The following GNL3L variants were observed in gnomAD, a reference collection of about 807,000 sequenced individuals.
GNL3L encodes the protein guanine nucleotide-binding protein-like 3-like protein.
GNL3L carries 4 observed loss-of-function variants against 42.9 expected under a neutral mutation model. That is an observed-to-expected ratio of 0.09 (90% CI 0.05 to 0.21). The LOEUF (loss-of-function observed/expected upper bound fraction) is 0.21, where lower values mean the gene tolerates loss of function less well. GNL3L is among the 10% of genes least tolerant of loss of function. The pLI, the probability that GNL3L is intolerant of heterozygous loss-of-function variation, is 1.00. For synonymous variants in GNL3L, 159 were observed against 176.3 expected, an observed-to-expected ratio of 0.90 and a Z score of 0.78; for missense variants, 412 against 481.7, an observed-to-expected ratio of 0.86 and a Z score of 1.36.
chrX:54,558,705 C>T (rs1424049255), intron 15 of GNL3L, 50 bp downstream of exon 15: 3 of 928,788 alleles, frequency 3.2e-6, no homozygotes, highest in Non-Finnish European at 4.5e-6. Flanking sequence ...CACATGGGAT[C>T]TTTTTTTGTT....
chrX:54,536,357 G>A (rs1924423969), intron 2 of GNL3L, among the ~76,000 whole-genome samples: 1 of 110,699 alleles, frequency 9.0e-6, no homozygotes, highest in African/African-American at 3.3e-5. Flanking sequence ...GATTATAGCT[G>A]TGAGCCATCG....
At chrX:54,577,633 T>C (rs1008537914) in intron 16 of GNL3L, among the ~76,000 whole-genome samples, 2 of 112,051 alleles carry the variant, frequency 1.8e-5, no homozygotes, top group Non-Finnish European at 3.8e-5. Context: ...AGTTTAACTT[T>C]TTAAGATTTC....
intron 16 of GNL3L, among the ~76,000 whole-genome samples, chrX:54,594,648 A>G (rs1253889774): frequency 1.8e-5 from 2 of 108,458 alleles, no homozygotes; most frequent in Non-Finnish European, 3.8e-5. Flanking sequence ...TACTCCTGCC[A>G]TTTTGTTACT....
intron 16 of GNL3L, among the ~76,000 whole-genome samples, chrX:54,587,274 A>C (rs565740239): frequency 8.9e-6 from 1 of 112,516 alleles, no homozygotes; most frequent in East Asian, 2.8e-4. Context: ...TATTTGTTAC[A>C]AAGTGCGGTT....
chrX:54,612,225 G>C (rs1202419667), intron 16 of GNL3L, among the ~76,000 whole-genome samples: 1 of 111,631 alleles, frequency 9.0e-6, no homozygotes, highest in Non-Finnish European at 1.9e-5. Context: ...TGTTTTGTCT[G>C]TTATAAGAAT....
chrX:54,612,708 A>C (rs775602222), intron 16 of GNL3L, among the ~76,000 whole-genome samples: 1 of 111,400 alleles, frequency 9.0e-6, no homozygotes, highest in African/African-American at 3.3e-5. Flanking sequence ...GCTGGATACA[A>C]AATTCTTGGC....
At chrX:54,611,132 A>C (rs1257120993) in intron 16 of GNL3L, among the ~76,000 whole-genome samples, 1 of 111,056 alleles carries the variant, frequency 9.0e-6, no homozygotes, top group Non-Finnish European at 1.9e-5. Flanking sequence ...CTTTATTTGC[A>C]TAAAGGTGTG....
At chrX:54,618,742 A>T (rs187903802) in intron 16 of GNL3L, among the ~76,000 whole-genome samples, 97 of 111,043 alleles carry the variant, frequency 8.7e-4, no homozygotes, top group African/African-American at 2.1e-3. Flanking sequence ...AAAAAAATTT[A>T]AAAAAATTGC....
At chrX:54,583,769 A>G (rs1456935971) in intron 16 of GNL3L, among the ~76,000 whole-genome samples, 1 of 110,392 alleles carries the variant, frequency 9.1e-6, no homozygotes, top group Non-Finnish European at 1.9e-5. Flanking sequence ...CAGCCTCCCA[A>G]GTAGCCGGGA....
chrX:54,560,695 G>T lies in GNL3L; in HGVS notation c.*93G>T. 1.7e-6 allele frequency: 1 copy of T among 581,081 alleles called. No homozygotes were observed. The highest frequency in any genetic ancestry group is 3.0e-6 in the Non-Finnish European group (1 of 337,982). The allele number at this position is 581,081 out of a possible 1,213,427, so 47.9% of individuals were successfully genotyped here. On this transcript the variant is annotated 3_prime_UTR_variant, in exon 16 of 16. Transcript: ENST00000360845. ...TAGTTTGGTTCTCCCTGAAGCATCT[G>T]CATATTGAAAGAACGCTTTCCCCAC...
intron 2 of GNL3L, among the ~76,000 whole-genome samples, chrX:54,535,803 C>T (rs1041202989): frequency 1.6e-4 from 18 of 111,382 alleles, no homozygotes; most frequent in Admixed American, 1.1e-3. Context: ...CTCACTCTGT[C>T]GGCCAGGCTA....
At chrX:54,543,486 G>C in intron 7 of GNL3L, 144 bp downstream of exon 7, 1 of 593,672 alleles carries the variant, frequency 1.7e-6, no homozygotes, top group South Asian at 3.0e-5. Context: ...GATTTTCAAA[G>C]CCTGTATCAC....
chrX:54,541,303 G>T lies in GNL3L; in HGVS notation c.220G>T (p.Ala74Ser), dbSNP rs762401978. Reference sequence around the variant, plus strand: ...GGAGATGAGGGAGAAGCAGCAAGCCGCCCGGGAGCAAGAAAGACAAAAACG... The same window carrying T: ...GGAGATGAGGGAGAAGCAGCAAGCCTCCCGGGAGCAAGAAAGACAAAAACG... ...VEEMREKQQA[A>S]REQERQKRRT... The change falls in exon 5 of 16, where the codon GCC becomes TCC. Residue 74 changes from alanine to serine, a missense_variant. Ala to Ser is a moderately conservative substitution (Grantham distance 99, BLOSUM62 1). Coordinates refer to ENST00000360845, the MANE Select transcript of GNL3L (RefSeq NM_001184819.2). 7 of 1,209,028 alleles carry T rather than the reference G, an allele frequency of 5.8e-6. No homozygotes were observed. The highest frequency in any genetic ancestry group is 1.7e-5 in the African/African-American group (1 of 57,641).
intron 16 of GNL3L, among the ~76,000 whole-genome samples, chrX:54,598,238 C>T (rs1925960953): frequency 9.0e-6 from 1 of 111,284 alleles, no homozygotes; most frequent in African/African-American, 3.3e-5. Context: ...CCTCTGTCAA[C>T]AAATTCTCTT....
At chrX:54,599,100 A>G (rs1237288068) in intron 16 of GNL3L, among the ~76,000 whole-genome samples, 1 of 112,078 alleles carries the variant, frequency 8.9e-6, no homozygotes, top group Non-Finnish European at 1.9e-5. Context: ...CAAGGAGAAA[A>G]TCTCAAACCA....
the GNL3L span, among the ~76,000 whole-genome samples, chrX:54,629,873 A>G: frequency 9.8e-5 from 11 of 111,737 alleles, no homozygotes; most frequent in Non-Finnish European, 1.9e-4. Context: ...TCAGCTGTGA[A>G]TGCATTTGGT....
intron 16 of GNL3L, among the ~76,000 whole-genome samples, chrX:54,576,670 T>C (rs5960318): frequency 0.13 from 14,017 of 109,650 alleles, 1,383 homozygotes; most frequent in African/African-American, 0.33. Flanking sequence ...TTCACCGTGT[T>C]GGCCAGGCTG....
At chrX:54,627,250 C>T in the GNL3L span, among the ~76,000 whole-genome samples, 1 of 111,925 alleles carries the variant, frequency 8.9e-6, no homozygotes, top group South Asian at 3.7e-4. Flanking sequence ...CTCAAGTGAT[C>T]CGTCCACTTT....
At chrX:54,577,078 C>A (rs1925646351) in intron 16 of GNL3L, among the ~76,000 whole-genome samples, 1 of 111,981 alleles carries the variant, frequency 8.9e-6, no homozygotes, top group African/African-American at 3.2e-5. Flanking sequence ...CCCTCCAGTC[C>A]CTGGTAAACA....
Sources: gnomAD v4.1 joint callset for allele counts (sites outside exome capture counted in the v4.1 genomes callset) on GRCh38, gnomAD v4.1.1 for gene constraint, MANE v1.5 for transcripts, NCBI Gene and HGNC (gene_info 2026-07-23, HGNC 2026-07-21) for gene names.